The following SYT1 variants were observed in gnomAD, a reference collection of about 807,000 sequenced individuals.
SYT1 encodes synaptotagmin-1.
Under a neutral mutation model 44.8 loss-of-function variants are expected in SYT1, and 8 were observed. The ratio of observed to expected loss-of-function variants is 0.18; its 90% confidence interval spans 0.10 to 0.32. The LOEUF is 0.32. Among genes scored for constraint, SYT1 ranks in the 10% least tolerant of loss-of-function variants. The pLI is 1.00. For synonymous variants in SYT1, 154 were observed against 188.8 expected (o/e 0.82, Z 1.51); for missense variants, 286 against 509.3 (o/e 0.56, Z 4.22).
rs187965103 is a variant in SYT1, at chr12:79,006,039, C to G, written c.-84+28108C>G. On this transcript the variant is annotated intron_variant, in intron 2 of 10. Transcript: ENST00000261205. ...TTTAAGATGCCAAAAGACCACAGGC[C>G]TCATCTCCTAACAACCAGATGTGAC... Among the ~76,000 whole-genome samples the G allele has an allele frequency of 4.1e-4, 63 of 152,216 alleles. 1 individual carries two copies. The Middle Eastern group carries it at 0.02, about 49-fold the overall frequency.
At chr12:79,382,608 G>T (rs1459537060) in intron 9 of SYT1, among the ~76,000 whole-genome samples, 1 of 152,076 alleles carries the variant, frequency 6.6e-6, no homozygotes, top group Non-Finnish European at 1.5e-5. Context: ...ACTAAATGAA[G>T]CTTTTACAAA....
At chr12:79,067,884 A>C (rs1648426692) in intron 3 of SYT1, among the ~76,000 whole-genome samples, 1 of 152,218 alleles carries the variant, frequency 6.6e-6, no homozygotes, top group South Asian at 2.1e-4. Context: ...CCAACAGATC[A>C]AGTAGAAATT....
At chr12:79,171,141 G>A (rs748122040) in intron 3 of SYT1, among the ~76,000 whole-genome samples, 1 of 151,990 alleles carries the variant, frequency 6.6e-6, no homozygotes, top group Non-Finnish European at 1.5e-5. Context: ...CTCCAGCTTT[G>A]TTCTTTTGCT....
At chr12:78,945,491 C>G (rs1328826743) in intron 1 of SYT1, among the ~76,000 whole-genome samples, 1 of 142,288 alleles carries the variant, frequency 7.0e-6, no homozygotes, top group Non-Finnish European at 1.5e-5. Context: ...TATATATACA[C>G]ATTTCTTTCT....
intron 9 of SYT1, among the ~76,000 whole-genome samples, chr12:79,422,886 C>G (rs1593054151): frequency 2.6e-5 from 4 of 152,166 alleles, no homozygotes; most frequent in Admixed American, 2.6e-4. Flanking sequence ...AGACGATTCC[C>G]CTTTCTAATG....
At chr12:79,068,372 C>G (rs971193449) in intron 3 of SYT1, among the ~76,000 whole-genome samples, 5 of 152,034 alleles carry the variant, frequency 3.3e-5, no homozygotes, top group Non-Finnish European at 5.9e-5. Context: ...AGTCTAAATA[C>G]TTGAAAACGG....
At chr12:79,070,735 C>T (rs561470423) in intron 3 of SYT1, among the ~76,000 whole-genome samples, 6 of 152,140 alleles carry the variant, frequency 3.9e-5, no homozygotes, top group Admixed American at 6.6e-5. Context: ...GGAAAGACAG[C>T]GACAGGGGCA....
chr12:79,054,448 C>CG (rs1326488348), intron 3 of SYT1, among the ~76,000 whole-genome samples: 4 of 151,894 alleles, frequency 2.6e-5, no homozygotes, highest in African/African-American at 9.7e-5. Context: ...GGATTATAGC[C>CG]ATAAGTATAA....
intron 1 of SYT1, among the ~76,000 whole-genome samples, chr12:78,973,093 C>A (rs1225721285): frequency 6.6e-6 from 1 of 152,100 alleles, no homozygotes; most frequent in Non-Finnish European, 1.5e-5. Flanking sequence ...TAATAAACTA[C>A]AACAACTCTA....
At chr12:78,928,527 C>T (rs974348374) in intron 1 of SYT1, among the ~76,000 whole-genome samples, 1 of 152,116 alleles carries the variant, frequency 6.6e-6, no homozygotes, top group Non-Finnish European at 1.5e-5. Context: ...GGAAGCACTT[C>T]CCAGCTTCTG....
At chr12:79,344,618 CTATTTTTTTG>C (rs1009577342) in intron 8 of SYT1, among the ~76,000 whole-genome samples, 4 of 152,016 alleles carry the variant, frequency 2.6e-5, no homozygotes, top group African/African-American at 7.2e-5. Context: ...CCACACCTGG[CTATTTTTTTG>C]TATTTTTTTG....
intron 8 of SYT1, among the ~76,000 whole-genome samples, chr12:79,335,506 G>A (rs1452701827): frequency 6.6e-6 from 1 of 151,526 alleles, no homozygotes; most frequent in East Asian, 1.9e-4. Flanking sequence ...TCTTCTCCAG[G>A]CACCTTTATC....
At chr12:79,422,395 G>A (rs1426432377) in intron 9 of SYT1, among the ~76,000 whole-genome samples, 1 of 151,568 alleles carries the variant, frequency 6.6e-6, no homozygotes, top group Non-Finnish European at 1.5e-5. Flanking sequence ...GCCTTAGCAT[G>A]TTTGGATGTT....
chr12:79,043,563 G>A (rs1335413119), intron 2 of SYT1, among the ~76,000 whole-genome samples: 2 of 150,972 alleles, frequency 1.3e-5, no homozygotes, highest in Non-Finnish European at 2.9e-5. Flanking sequence ...ACACTGATGG[G>A]TCTTGACTCT....
intron 3 of SYT1, among the ~76,000 whole-genome samples, chr12:79,068,543 A>G (rs1876035861): frequency 6.6e-6 from 1 of 152,194 alleles, no homozygotes; most frequent in Non-Finnish European, 1.5e-5. Context: ...TTTTCTGCTT[A>G]TATTAATTCC....
chr12:79,391,632 A>G (rs1884659835), intron 9 of SYT1, among the ~76,000 whole-genome samples: 1 of 152,232 alleles, frequency 6.6e-6, no homozygotes, highest in Non-Finnish European at 1.5e-5. Context: ...CCAAAAGCAA[A>G]GAAAAGAAGA....
chr12:79,131,227 G>C (rs1480267131), intron 3 of SYT1, among the ~76,000 whole-genome samples: 1 of 151,660 alleles, frequency 6.6e-6, no homozygotes, highest in Non-Finnish European at 1.5e-5. Context: ...GTGGTTTGCT[G>C]CACCCACCAA....
At chr12:79,006,516 T>C (rs1051348380) in intron 2 of SYT1, among the ~76,000 whole-genome samples, 6 of 151,972 alleles carry the variant, frequency 3.9e-5, no homozygotes, top group South Asian at 4.2e-4. Context: ...TGATGATATA[T>C]ATTTGGCTTT....
intron 4 of SYT1, among the ~76,000 whole-genome samples, chr12:79,275,935 A>G (rs1878691369): frequency 6.6e-6 from 1 of 152,204 alleles, no homozygotes; most frequent in Non-Finnish European, 1.5e-5. Flanking sequence ...GCAGCATGTG[A>G]GAAAGTCATT....
Sources: gnomAD v4.1 joint callset for allele counts (sites outside exome capture counted in the v4.1 genomes callset) on GRCh38, gnomAD v4.1.1 for gene constraint, MANE v1.5 for transcripts, NCBI Gene and HGNC (gene_info 2026-07-23, HGNC 2026-07-21) for gene names.